Variants in ANO2 observed in about 807,000 individuals in gnomAD.
ANO2 encodes the protein anoctamin-2.
In ANO2, 101 loss-of-function variants were observed where a neutral mutation model predicts 124.2. The ratio of observed to expected loss-of-function variants is 0.81; its 90% CI spans 0.69 to 0.96. The LOEUF is 0.96. Ranked by LOEUF, ANO2 falls within the 40% of genes least tolerant of loss-of-function variation. ANO2 has a pLI of 0.00. For missense variants in ANO2, 1,293 were observed against 1,274.5 expected (o/e 1.01, Z -0.22); for synonymous variants, 486 against 482.5 (o/e 1.01, Z -0.09).
At chr12:5,718,859 G>A (rs939272180) in intron 14 of ANO2, among the ~76,000 whole-genome samples, 8 of 152,270 alleles carry the variant, frequency 5.3e-5, no homozygotes, top group African/African-American at 1.7e-4. Context: ...TTCCCTTGGC[G>A]GCCCCAATTT....
At chr12:5,871,819 A>G (rs1299135131) in intron 3 of ANO2, among the ~76,000 whole-genome samples, 3 of 152,068 alleles carry the variant, frequency 2.0e-5, no homozygotes, top group Admixed American at 1.3e-4. Context: ...TATGTCAGAA[A>G]CCTACTGGTG....
At chr12:5,582,587 C>A (rs1391776297) in intron 20 of ANO2, among the ~76,000 whole-genome samples, 1 of 152,212 alleles carries the variant, frequency 6.6e-6, no homozygotes, top group Admixed American at 6.5e-5. Flanking sequence ...TGATGGAATA[C>A]AATTCTGATT....
intron 20 of ANO2, among the ~76,000 whole-genome samples, chr12:5,579,238 G>C (rs950594190): frequency 3.3e-5 from 5 of 152,258 alleles, no homozygotes; most frequent in African/African-American, 7.2e-5. Flanking sequence ...AGCTGGGTTT[G>C]AAAGTGGAGA....
At chr12:5,783,098 C>T (rs1346654438) in intron 10 of ANO2, among the ~76,000 whole-genome samples, 2 of 152,190 alleles carry the variant, frequency 1.3e-5, no homozygotes, top group African/African-American at 4.8e-5. Context: ...CATGTTTTGG[C>T]AACACACTGA....
chr12:5,700,460 T>C (rs889224326), intron 14 of ANO2, among the ~76,000 whole-genome samples: 1 of 152,226 alleles, frequency 6.6e-6, no homozygotes, highest in African/African-American at 2.4e-5. Flanking sequence ...GGGAAATTTA[T>C]AGCACTAAAT....
intron 20 of ANO2, among the ~76,000 whole-genome samples, chr12:5,590,687 G>A (rs1252600191): frequency 3.9e-5 from 6 of 152,154 alleles, no homozygotes; most frequent in East Asian, 1.9e-4. Context: ...AAGAGCAGGC[G>A]ATCTTCGAGC....
At position 5,582,144 on chromosome 12, in the gene ANO2, G is replaced by A. The variant is rs1261517753; in HGVS notation, c.2234-3626C>T. On this transcript the variant is annotated intron_variant, in intron 20 of 24. Coordinates refer to ENST00000682330, the MANE Select transcript of ANO2 (RefSeq NM_001364791.2). The stretch of plus-strand genomic sequence containing the variant: ...CCTCCATTAGAATAAGAGCAACACC[G>A]GAAATCCTCCGTGCGCTGCATAATA... Among the ~76,000 whole-genome samples, 5 of 152,312 alleles carry A rather than the reference G, an allele frequency of 3.3e-5. No homozygotes were observed. In the East Asian group the frequency reaches 5.8e-4, roughly 18 times the overall value.
At chr12:5,774,585 T>A (rs780421153) in intron 10 of ANO2, among the ~76,000 whole-genome samples, 1 of 152,328 alleles carries the variant, frequency 6.6e-6, no homozygotes. Context: ...AAGAAATGCC[T>A]TGGTACAAAG....
chr12:5,572,888 A>T (rs1942205956), intron 23 of ANO2, among the ~76,000 whole-genome samples: 1 of 152,168 alleles, frequency 6.6e-6, no homozygotes, highest in African/African-American at 2.4e-5. Context: ...ACAAGCCATG[A>T]TCTTATCTAC....
upstream of ANO2, among the ~76,000 whole-genome samples, chr12:5,945,925 G>A (rs1043490144): frequency 3.2e-4 from 49 of 152,230 alleles, no homozygotes; most frequent in Non-Finnish European, 2.4e-4. Flanking sequence ...TGAGGGAGTA[G>A]ATGATGGAAG....
intron 10 of ANO2, among the ~76,000 whole-genome samples, chr12:5,759,027 C>A (rs1423011175): frequency 1.3e-5 from 2 of 151,778 alleles, no homozygotes; most frequent in Non-Finnish European, 2.9e-5. Context: ...ACAAATCTAG[C>A]ATTCGAGAGC....
intron 14 of ANO2, among the ~76,000 whole-genome samples, chr12:5,660,718 A>C (rs761965025): frequency 2.0e-5 from 3 of 152,178 alleles, no homozygotes; most frequent in Non-Finnish European, 4.4e-5. Flanking sequence ...TGGATCCAGC[A>C]CTTGGGTCAC....
intron 14 of ANO2, among the ~76,000 whole-genome samples, chr12:5,669,511 A>G (rs1947887243): frequency 6.6e-6 from 1 of 152,102 alleles, no homozygotes; most frequent in Non-Finnish European, 1.5e-5. Context: ...CTCTCTTCCT[A>G]TTTGAATATC....
chr12:5,594,744 G>A (rs946766200), intron 20 of ANO2, among the ~76,000 whole-genome samples: 1 of 152,150 alleles, frequency 6.6e-6, no homozygotes, highest in Non-Finnish European at 1.5e-5. Context: ...AGGCTGAGGT[G>A]AGAGGGTCAC....
rs1364402852 is a variant in ANO2 at position 5,716,110 on chromosome 12, A to G, written c.1545+16410T>C. On this transcript the variant is annotated intron_variant, in intron 14 of 24. Transcript: ENST00000682330. ...TGCCTAGGAGATGAAATAATAGCTG[A>G]TTTACTTTTCTTCTTTATTCTTTAC... is the stretch of plus-strand genomic sequence containing the variant. 2.6e-5 allele frequency among the ~76,000 whole-genome samples: 4 copies of G among 152,142 alleles called. No homozygotes were observed. In the East Asian group the frequency reaches 7.7e-4, roughly 29 times the overall value.
intron 10 of ANO2, among the ~76,000 whole-genome samples, chr12:5,778,790 T>A (rs749128806): frequency 1.1e-4 from 16 of 152,226 alleles, no homozygotes; most frequent in Non-Finnish European, 2.2e-4. Flanking sequence ...AAGAAAAAAA[T>A]TTTGAGTCCA....
intron 3 of ANO2, among the ~76,000 whole-genome samples, chr12:5,875,076 C>G (rs910992703): frequency 2.0e-5 from 3 of 152,238 alleles, no homozygotes; most frequent in African/African-American, 7.2e-5. Context: ...TGGCCCCTCT[C>G]TCATCACTGA....
intron 23 of ANO2, among the ~76,000 whole-genome samples, chr12:5,574,589 T>C (rs1052357729): frequency 6.6e-6 from 1 of 152,234 alleles, no homozygotes; most frequent in Non-Finnish European, 1.5e-5. Context: ...CTATGTCTAC[T>C]GTCACCAACT....
intron 20 of ANO2, among the ~76,000 whole-genome samples, chr12:5,582,648 C>T (rs185557981): frequency 2.0e-5 from 3 of 152,280 alleles, no homozygotes; most frequent in Non-Finnish European, 4.4e-5. Context: ...GAACCATTTC[C>T]TCCCCACCCA....
Sources: allele counts gnomAD v4.1 joint callset (sites outside exome capture counted in the v4.1 genomes callset), GRCh38; gene constraint gnomAD v4.1.1; transcripts MANE v1.5; gene names NCBI Gene and HGNC (gene_info 2026-07-23, HGNC 2026-07-21).